ERC1: variants seen among roughly 807,000 people sequenced by gnomAD.
ERC1 encodes ELKS/RAB6-interacting/CAST family member 1, also known as RAB6 interacting protein 2.
In ERC1, 56 loss-of-function variants were observed where a neutral mutation model predicts 132.0. The observed-to-expected ratio is 0.42, with a 90% CI of 0.34 to 0.53. The LOEUF (loss-of-function observed/expected upper bound fraction) is 0.53. Ranked by LOEUF, ERC1 falls within the 20% of genes least tolerant of loss-of-function variation. The pLI, the probability that ERC1 is intolerant of heterozygous loss-of-function variation, is 0.03. For missense variants in ERC1, 1,202 were observed against 1,349.9 expected (o/e 0.89, Z 1.72); for synonymous variants, 478 against 476.1 (o/e 1.00, Z -0.05).
chr12:1,141,780 A>T lies in ERC1; in HGVS notation c.1730A>T (p.Gln577Leu). ...AAGGAGCGGAAGGTTAATGTTCTTC[A>T]GAAGAAGGTAAGGTACAGGTGTTTC... Reference protein sequence around the residue: ...DVKERKVNVLQKKIENLQEQL... With the variant: ...DVKERKVNVLLKKIENLQEQL... Residue 577 changes from glutamine to leucine, a missense_variant, in exon 8 of 19, where the codon CAG (glutamine) becomes CTG (leucine). Transcript: ENST00000360905. 6.3e-7 allele frequency: 1 copy of T among 1,599,496 alleles called. No homozygotes were observed.
intron 8 of ERC1, among the ~76,000 whole-genome samples, chr12:1,160,892 A>G (rs1951823465): frequency 6.6e-6 from 1 of 152,186 alleles, no homozygotes; most frequent in Non-Finnish European, 1.5e-5. Flanking sequence ...CACTGTGCCC[A>G]GCCTGAAATT....
chr12:1,228,346 C>T (rs2074755491), intron 12 of ERC1, among the ~76,000 whole-genome samples: 1 of 48,534 alleles, frequency 2.1e-5, no homozygotes, highest in Non-Finnish European at 3.8e-5. Context: ...AATCTTTCAG[C>T]CAGTTGTATA....
intron 12 of ERC1, among the ~76,000 whole-genome samples, chr12:1,206,375 T>A (rs983695980): frequency 1.3e-5 from 2 of 152,098 alleles, no homozygotes; most frequent in Non-Finnish European, 2.9e-5. Flanking sequence ...TTTAACCACT[T>A]GTTTTGTGTT....
upstream of ERC1, chr12:990,057 T>TAAGA (rs1959166230): frequency 6.6e-6 from 1 of 152,126 alleles, no homozygotes. Flanking sequence ...AGGGAACAGT[T>TAAGA]AAGAGTCCGG....
chr12:1,406,781 G>A (rs2091521311), intron 16 of ERC1, among the ~76,000 whole-genome samples: 2 of 152,182 alleles, frequency 1.3e-5, no homozygotes, highest in Non-Finnish European at 2.9e-5. Context: ...GCTGAGTTGG[G>A]AGGATCACTT....
intron 15 of ERC1, among the ~76,000 whole-genome samples, chr12:1,330,201 C>T (rs1442735298): frequency 1.3e-5 from 2 of 152,150 alleles, no homozygotes; most frequent in East Asian, 3.8e-4. Flanking sequence ...CACAGAAAGG[C>T]CTATAAGGAA....
chr12:1,183,767 C>T (rs550535007), intron 11 of ERC1, among the ~76,000 whole-genome samples: 2 of 146,566 alleles, frequency 1.4e-5, no homozygotes, highest in South Asian at 2.1e-4. Context: ...GTAATTCCAG[C>T]TCCTTGGGAG....
chr12:1,316,555 G>A (rs2081743471), intron 15 of ERC1, among the ~76,000 whole-genome samples: 1 of 152,190 alleles, frequency 6.6e-6, no homozygotes, highest in Admixed American at 6.5e-5. Flanking sequence ...GAAAAGGGAT[G>A]CAGGTAAGTC....
intron 2 of ERC1, among the ~76,000 whole-genome samples, chr12:1,050,771 C>T (rs944911353): frequency 1.1e-4 from 16 of 152,176 alleles, no homozygotes; most frequent in Admixed American, 2.0e-4. Context: ...TTTGGGAGGC[C>T]GAGGCGGGTT....
chr12:1,303,955 G>GAAAAAA (rs59587052), intron 15 of ERC1, among the ~76,000 whole-genome samples: 1,165 of 86,414 alleles, frequency 0.013, 32 homozygotes, highest in African/African-American at 0.038. Flanking sequence ...CTCCATCTCA[G>GAAAAAA]AAAAAAAAAA....
chr12:1,046,346 A>C (rs943471111), intron 2 of ERC1, among the ~76,000 whole-genome samples: 4 of 152,214 alleles, frequency 2.6e-5, no homozygotes, highest in Admixed American at 6.5e-5. Context: ...ATTATAGCCA[A>C]ATCCTTCCTA....
chr12:1,460,520 C>T (rs2093624055), intron 18 of ERC1, among the ~76,000 whole-genome samples: 1 of 152,142 alleles, frequency 6.6e-6, no homozygotes, highest in Non-Finnish European at 1.5e-5. Context: ...ATTTCATTAC[C>T]ATTACAGTGT....
chr12:1,106,932 C>T (rs1353436701), intron 4 of ERC1, among the ~76,000 whole-genome samples: 2 of 152,110 alleles, frequency 1.3e-5, no homozygotes, highest in Non-Finnish European at 2.9e-5. Flanking sequence ...GCTGAAATCA[C>T]AACAGAAATA....
At chr12:1,301,305 T>C (rs1288873129) in intron 15 of ERC1, among the ~76,000 whole-genome samples, 4 of 152,228 alleles carry the variant, frequency 2.6e-5, no homozygotes, top group African/African-American at 7.2e-5. Context: ...AACTCAGTCT[T>C]GTAACAAAAA....
Position 1,202,486 on chromosome 12 carries a change from G to A in ERC1, c.2351+12434G>A, listed in dbSNP as rs1361597946. Among the ~76,000 whole-genome samples, 8 of 151,932 alleles carry A rather than the reference G, an allele frequency of 5.3e-5. No individual in the cohort carries two copies. The South Asian group carries it at 6.2e-4, about 12-fold the overall frequency. ...CAGCTTAGGCAAGTGGCGAAACCTCGTCTCTACAAAAAATACAAATATTAG... is the reference window on the plus strand; with the variant it reads ...CAGCTTAGGCAAGTGGCGAAACCTCATCTCTACAAAAAATACAAATATTAG... On this transcript the variant is annotated intron_variant, in intron 12 of 18. Coordinates refer to ENST00000360905, the MANE Select transcript of ERC1 (RefSeq NM_178040.4).
chr12:1,427,521 T>C (rs1052117990), intron 17 of ERC1, among the ~76,000 whole-genome samples: 1 of 152,232 alleles, frequency 6.6e-6, no homozygotes, highest in Non-Finnish European at 1.5e-5. Context: ...ATTTTCTTTT[T>C]TTTAATATAT....
At chr12:1,270,936 A>T (rs572407684) in intron 14 of ERC1, among the ~76,000 whole-genome samples, 1 of 152,306 alleles carries the variant, frequency 6.6e-6, no homozygotes, top group East Asian at 1.9e-4. Flanking sequence ...TTTGTCCTTA[A>T]CGGTTTTTGA....
intron 15 of ERC1, among the ~76,000 whole-genome samples, chr12:1,292,397 G>A (rs189286809): frequency 1.3e-5 from 2 of 152,178 alleles, no homozygotes; most frequent in South Asian, 2.1e-4. Flanking sequence ...CTCATTGGGA[G>A]CTTAAAAAAT....
chr12:1,388,238 A>G lies in ERC1; in HGVS notation c.2925+16261A>G, dbSNP rs1374235407. 2.6e-5 allele frequency among the ~76,000 whole-genome samples: 4 copies of G among 151,106 alleles called. No individual in the cohort carries two copies. The East Asian group carries it at 7.8e-4, about 29-fold the overall frequency. On this transcript the variant is annotated intron_variant, in intron 16 of 18. Coordinates refer to ENST00000360905, the MANE Select transcript of ERC1 (RefSeq NM_178040.4). Reference sequence around the variant, plus strand: ...GTGGTGGGCACCTGTAGTCCCAGCTACTCGGAGAGGCTGAGGCAGGAGAAT... The same window carrying G: ...GTGGTGGGCACCTGTAGTCCCAGCTGCTCGGAGAGGCTGAGGCAGGAGAAT...
Sources: allele counts gnomAD v4.1 joint callset (sites outside exome capture counted in the v4.1 genomes callset), GRCh38; gene constraint gnomAD v4.1.1; transcripts MANE v1.5; gene names NCBI Gene and HGNC (gene_info 2026-07-23, HGNC 2026-07-21).